Variants in UST observed in about 807,000 individuals in gnomAD.
The protein encoded by UST is chondroitin sulfate 2-O-sulfotransferase.
A neutral mutation model predicts 45.6 loss-of-function variants in UST; 21 were observed. The ratio of observed to expected loss-of-function variants is 0.46; its 90% CI spans 0.33 to 0.66. UST has a LOEUF of 0.66. Ranked by LOEUF, UST falls within the 30% of genes least tolerant of loss-of-function variation. UST has a pLI of 0.02. For missense variants in UST, 463 were observed against 512.4 expected, an observed-to-expected ratio of 0.90 and a Z score of 0.93; for synonymous variants, 215 against 200.6, an observed-to-expected ratio of 1.07 and a Z score of -0.61.
chr6:149,029,618 A>G lies in UST; in HGVS notation c.937+8137A>G, dbSNP rs144164955. 6.2e-3 allele frequency among the ~76,000 whole-genome samples: 945 copies of G among 151,584 alleles called. 10 individuals carry two copies. Among genetic ancestry groups the G allele is most frequent in the African/African-American group, 0.022 (897 of 41,304 alleles). On this transcript the variant is annotated intron_variant, in intron 7 of 7. Transcript: ENST00000367463. Reference sequence around the variant, plus strand: ...ATTTCCATTTTTATTTTCCACTTCTATTGCTTCTGTGCTGCAGCAAAACTC... The same window carrying G: ...ATTTCCATTTTTATTTTCCACTTCTGTTGCTTCTGTGCTGCAGCAAAACTC...
At chr6:148,772,885 A>G (rs909334166) in intron 1 of UST, among the ~76,000 whole-genome samples, 1 of 152,226 alleles carries the variant, frequency 6.6e-6, no homozygotes, top group African/African-American at 2.4e-5. Context: ...CAATTTTACA[A>G]TAGTTGTCAA....
intron 5 of UST, among the ~76,000 whole-genome samples, chr6:148,979,572 A>T (rs1379354388): frequency 6.6e-6 from 1 of 152,330 alleles, no homozygotes; most frequent in East Asian, 1.9e-4. Context: ...AAGACCCTGT[A>T]CTTTGAGCAG....
At chr6:148,781,276 T>G (rs892453492) in intron 1 of UST, among the ~76,000 whole-genome samples, 6 of 152,198 alleles carry the variant, frequency 3.9e-5, no homozygotes, top group African/African-American at 1.4e-4. Flanking sequence ...AACACGTGAA[T>G]GGTAAGAAAG....
At chr6:148,958,064 T>C (rs1352199370) in intron 4 of UST, among the ~76,000 whole-genome samples, 1 of 152,218 alleles carries the variant, frequency 6.6e-6, no homozygotes, top group Non-Finnish European at 1.5e-5. Flanking sequence ...CCATAGCTAA[T>C]TGCCCTTTCT....
chr6:148,839,040 G>A (rs1441464199), intron 1 of UST, among the ~76,000 whole-genome samples: 1 of 152,158 alleles, frequency 6.6e-6, no homozygotes, highest in Non-Finnish European at 1.5e-5. Flanking sequence ...CTATATTTTA[G>A]ACCAAGCACT....
intron 7 of UST, among the ~76,000 whole-genome samples, chr6:149,044,585 C>T (rs568611587): frequency 1.3e-5 from 2 of 152,268 alleles, no homozygotes; most frequent in Admixed American, 6.5e-5. Context: ...TATCAGCATC[C>T]GTAGGCTGAA....
At chr6:148,774,501 C>T (rs1158369158) in intron 1 of UST, among the ~76,000 whole-genome samples, 1 of 152,004 alleles carries the variant, frequency 6.6e-6, no homozygotes, top group Non-Finnish European at 1.5e-5. Flanking sequence ...ACTTTTAAAG[C>T]ATTATGGTCA....
intron 2 of UST, among the ~76,000 whole-genome samples, chr6:148,892,652 G>T (rs538223575): frequency 9.9e-5 from 15 of 152,272 alleles, no homozygotes; most frequent in Admixed American, 9.2e-4. Flanking sequence ...TGCAGCTAGT[G>T]GTTACTGTCT....
At chr6:148,880,229 A>G (rs1778799178) in intron 1 of UST, among the ~76,000 whole-genome samples, 1 of 152,222 alleles carries the variant, frequency 6.6e-6, no homozygotes, top group Non-Finnish European at 1.5e-5. Flanking sequence ...TGCTGGGATT[A>G]TAGGCATGAG....
chr6:149,023,142 GTGT>G (rs754140586), intron 7 of UST, among the ~76,000 whole-genome samples: 17 of 130,984 alleles, frequency 1.3e-4, no homozygotes, highest in East Asian at 2.2e-4. Flanking sequence ...GTGTGTGTGT[GTGT>G]GTGTGGTGTG....
chr6:149,016,230 A>G (rs1473408676), intron 5 of UST, among the ~76,000 whole-genome samples: 2 of 152,328 alleles, frequency 1.3e-5, no homozygotes, highest in East Asian at 1.9e-4. Flanking sequence ...TGTTAACTGC[A>G]CTTTTAAAAC....
chr6:148,857,572 A>G (rs996467021), intron 1 of UST, among the ~76,000 whole-genome samples: 3 of 152,132 alleles, frequency 2.0e-5, no homozygotes, highest in African/African-American at 4.8e-5. Context: ...AATTCTGCAT[A>G]TGAGGAAAAG....
At chr6:148,850,431 C>A (rs1778081824) in intron 1 of UST, among the ~76,000 whole-genome samples, 1 of 152,228 alleles carries the variant, frequency 6.6e-6, no homozygotes, top group Non-Finnish European at 1.5e-5. Context: ...CACATTTCAT[C>A]TACGGAGAGC....
In UST at chr6:149,020,414, A is replaced by G. The variant is rs981995835; in HGVS notation, c.780-910A>G. On this transcript the variant is annotated intron_variant, in intron 6 of 7. Transcript: ENST00000367463. ...ATGACTCACTTGCTGATCACAGTGA[A>G]TATCTTTATAACAGGAAACATGATT... Among the ~76,000 whole-genome samples, 156 of 152,310 alleles carry G rather than the reference A, an allele frequency of 1.0e-3. 1 individual carries two copies. The highest frequency in any genetic ancestry group is 2.4e-4 in the Non-Finnish European group (16 of 68,030).
chr6:148,822,142 G>C (rs1473926379), intron 1 of UST, among the ~76,000 whole-genome samples: 1 of 152,114 alleles, frequency 6.6e-6, no homozygotes, highest in Non-Finnish European at 1.5e-5. Context: ...CTACTGGAAG[G>C]TTGCTGCTTC....
intron 5 of UST, among the ~76,000 whole-genome samples, chr6:148,988,922 C>T (rs891669266): frequency 2.6e-5 from 4 of 152,144 alleles, no homozygotes; most frequent in Non-Finnish European, 4.4e-5. Flanking sequence ...TCACTCTCTC[C>T]CACCCTTATT....
intron 1 of UST, among the ~76,000 whole-genome samples, chr6:148,826,869 T>C (rs1278878820): frequency 6.6e-6 from 1 of 152,150 alleles, no homozygotes; most frequent in African/African-American, 2.4e-5. Flanking sequence ...TCAGTGCCTC[T>C]CATGTTGCAT....
intron 1 of UST, among the ~76,000 whole-genome samples, chr6:148,804,758 G>C (rs1777115541): frequency 6.6e-6 from 1 of 151,258 alleles, no homozygotes; most frequent in Non-Finnish European, 1.5e-5. Context: ...TATTTAATGG[G>C]AAACATGAAA....
chr6:148,775,207 G>A (rs1269028583), intron 1 of UST, among the ~76,000 whole-genome samples: 2 of 152,058 alleles, frequency 1.3e-5, no homozygotes, highest in Non-Finnish European at 2.9e-5. Flanking sequence ...TGTATTTATT[G>A]TTCTCTGCCA....
Sources: allele counts gnomAD v4.1 joint callset (sites outside exome capture counted in the v4.1 genomes callset), GRCh38; gene constraint gnomAD v4.1.1; transcripts MANE v1.5; gene names NCBI Gene and HGNC (gene_info 2026-07-23, HGNC 2026-07-21).